SARDH: variants seen among roughly 807,000 people sequenced by gnomAD.
SARDH encodes sarcosine dehydrogenase.
SARDH carries 95 observed loss-of-function variants against 109.1 expected under a neutral mutation model. The ratio of observed to expected loss-of-function variants is 0.87; its 90% CI spans 0.74 to 1.03. The LOEUF (loss-of-function observed/expected upper bound fraction) is 1.03. Among genes scored for constraint, SARDH ranks in the 50% least tolerant of loss-of-function variants. The pLI is 0.00. For missense variants in SARDH, 1,267 were observed against 1,287.8 expected, an observed-to-expected ratio of 0.98 and a Z score of 0.25; for synonymous variants, 572 against 534.8, an observed-to-expected ratio of 1.07 and a Z score of -0.96.
intron 4 of SARDH, 71 bp from the exon 5 acceptor site, chr9:133,730,258 C>G: frequency 6.3e-7 from 1 of 1,580,478 alleles, no homozygotes; most frequent in Non-Finnish European, 8.6e-7. Context: ...CCACTCCAAC[C>G]AACCCCTCCT....
chr9:133,712,900 G>T lies in SARDH; in HGVS notation c.1237+138C>A, dbSNP rs1831979314. On this transcript the variant is annotated intron_variant, in intron 9 of 20. Coordinates refer to ENST00000439388, the MANE Select transcript of SARDH (RefSeq NM_001134707.2). This position sits in a 1 kb window ranked among gnomAD's most constrained non-coding sequence, Gnocchi z 4.1. The stretch of plus-strand genomic sequence containing the variant: ...GCACAGGTGCACTCTCTGGGAAGCA[G>T]AAGGGGCTGGACTCCCCAGCCTCTC... 1 of 1,001,732 alleles carries T rather than the reference G, an allele frequency of 1.0e-6. No homozygotes were observed. Among genetic ancestry groups the T allele is most frequent in the Non-Finnish European group, 1.5e-6 (1 of 670,306 alleles). 62.1% of individuals were successfully genotyped at this position (1,001,732 alleles called of 1,614,324 possible).
At chr9:133,715,569 C>T (rs1191184418) in intron 8 of SARDH, among the ~76,000 whole-genome samples, 10 of 152,170 alleles carry the variant, frequency 6.6e-5, no homozygotes, top group East Asian at 1.9e-4. Flanking sequence ...CCCCTGCTGA[C>T]GGCTGAGCAG....
downstream of SARDH, among the ~76,000 whole-genome samples, chr9:133,662,730 G>C (rs894940699): frequency 1.3e-5 from 2 of 152,202 alleles, no homozygotes; most frequent in Admixed American, 1.3e-4. The surrounding 1 kb of genome is among the most constrained non-coding windows in gnomAD (Gnocchi z 5.1). Flanking sequence ...CTGTGTGTGT[G>C]GCTCTGTGGG....
intron 8 of SARDH, among the ~76,000 whole-genome samples, chr9:133,713,932 C>G (rs1157016806): frequency 6.6e-6 from 1 of 152,238 alleles, no homozygotes; most frequent in Non-Finnish European, 1.5e-5. Context: ...AGGACATGTC[C>G]CAGCCCTCGA....
At chr9:133,677,529 A>G (rs1830558998) in intron 17 of SARDH, among the ~76,000 whole-genome samples, 1 of 152,094 alleles carries the variant, frequency 6.6e-6, no homozygotes, top group African/African-American at 2.4e-5. Context: ...TTGGAATCAA[A>G]CCCATGAAGG....
chr9:133,670,570 A>T lies in SARDH; in HGVS notation c.2495+14T>A. ...AGTTGCTTCCGGGTGGGCGTGGAAC[A>T]GCGGGATACTCACTCCTCCATGGTG... On this transcript the variant is annotated intron_variant, in intron 19 of 20. Coordinates refer to ENST00000439388, the MANE Select transcript of SARDH (RefSeq NM_001134707.2). 3.8e-6 allele frequency: 6 copies of T among 1,565,012 alleles called. No homozygotes were observed. The highest frequency in any genetic ancestry group is 5.2e-6 in the Non-Finnish European group (6 of 1,154,992).
At chr9:133,662,545 C>T (rs1229644164), downstream of SARDH, among the ~76,000 whole-genome samples, 2 of 152,194 alleles carry the variant, frequency 1.3e-5, no homozygotes, top group East Asian at 1.9e-4. This position sits in a 1 kb window ranked among gnomAD's most constrained non-coding sequence, Gnocchi z 5.1. Context: ...CCCTGGTCTC[C>T]AGCCGCAGCC....
chr9:133,732,552 G>A lies in SARDH; in HGVS notation c.381C>T (p.Ala127=), dbSNP rs141604287. ...RPSDVEVELL[A]HTRRVVSREL... ...CCCGGCTCACCACCCGCCGAGTGTG[G>A]GCCAGAAGCTCCACCTCCACGTCAC... The change falls in exon 3 of 21, where the codon GCC becomes GCT. Residue 127 remains alanine, a synonymous_variant. Transcript: ENST00000439388. 1.6e-4 allele frequency: 260 copies of A among 1,613,392 alleles called. No individual in the cohort carries two copies. The highest frequency in any genetic ancestry group is 3.3e-4 in the Middle Eastern group (2 of 6,080).
In SARDH at chr9:133,692,589, C is replaced by T. The variant is rs1306616498; in HGVS notation, c.1921+1669G>A. Reference sequence around the variant, plus strand: ...GGCGGCTTCACATGGCCTTCCCTAACACCTCGCTCTTTCCCATCCCCTTGC... The same window carrying T: ...GGCGGCTTCACATGGCCTTCCCTAATACCTCGCTCTTTCCCATCCCCTTGC... On this transcript the variant is annotated intron_variant, in intron 15 of 20. Coordinates refer to ENST00000439388, the MANE Select transcript of SARDH (RefSeq NM_001134707.2). This position sits in a 1 kb window ranked among gnomAD's most constrained non-coding sequence, Gnocchi z 5.0. 6.6e-6 allele frequency among the ~76,000 whole-genome samples: 1 copy of T among 152,156 alleles called. No individual in the cohort carries two copies. Among genetic ancestry groups the T allele is most frequent in the Non-Finnish European group, 1.5e-5 (1 of 68,022 alleles).
rs1401243137 is a variant in SARDH at position 133,728,704 on chromosome 9, T to C, written c.915+1061A>G. On this transcript the variant is annotated intron_variant, in intron 6 of 20. Transcript: ENST00000439388. The surrounding 1 kb of genome is among the most constrained non-coding windows in gnomAD (Gnocchi z 5.0). ...AAGAACTAGGTGTCTGTCTGTGTTA[T>C]GGCCACAGCTTCTAGAATAGGGCCT... Among the ~76,000 whole-genome samples, 2 of 152,222 alleles carry C rather than the reference T, an allele frequency of 1.3e-5. No individual in the cohort carries two copies. The highest frequency in any genetic ancestry group is 2.4e-5 in the African/African-American group (1 of 41,462).
intron 13 of SARDH, among the ~76,000 whole-genome samples, chr9:133,699,145 G>A (rs1340690933): frequency 4.6e-5 from 7 of 152,152 alleles, no homozygotes; most frequent in African/African-American, 7.2e-5. Context: ...TCAGGAGTTC[G>A]AGACCAGCCT....
rs752285854 is a variant in SARDH at position 133,729,836 on chromosome 9, C to A, written c.844G>T (p.Ala282Ser). The A allele has an allele frequency of 5.6e-6, 9 of 1,612,196 alleles. No individual in the cohort carries two copies. Among genetic ancestry groups the A allele is most frequent in the Non-Finnish European group, 5.9e-6 (7 of 1,180,024 alleles). The change falls in exon 6 of 21, where the codon GCT (alanine) becomes TCT (serine). Residue 282 changes from alanine to serine, a missense_variant. Ala to Ser is a moderately conservative substitution (Grantham distance 99). Coordinates refer to ENST00000439388, the MANE Select transcript of SARDH (RefSeq NM_001134707.2). ...GVWASAVGRM[A>S]GVKVPLVAMH... ...GCCACCAGCGGGACCTTGACTCCAG[C>A]CATCCGGCCCACAGCACTTGCCCAC... is the stretch of plus-strand genomic sequence containing the variant.
At chr9:133,673,577 T>G (rs1830421984) in intron 17 of SARDH, among the ~76,000 whole-genome samples, 1 of 152,216 alleles carries the variant, frequency 6.6e-6, no homozygotes, top group South Asian at 2.1e-4. Context: ...TCTAAAAGCT[T>G]TGGAAATAGC....
intron 16 of SARDH, among the ~76,000 whole-genome samples, chr9:133,687,784 C>T (rs765327175): frequency 7.9e-5 from 12 of 152,168 alleles, no homozygotes; most frequent in Non-Finnish European, 1.3e-4. Flanking sequence ...GTGCTGAGCA[C>T]GTCCTGAATA....
At chr9:133,665,664 C>A (rs1282504464) in intron 20 of SARDH, among the ~76,000 whole-genome samples, 1 of 152,254 alleles carries the variant, frequency 6.6e-6, no homozygotes, top group Non-Finnish European at 1.5e-5. Context: ...GCTGCCACTT[C>A]CCCACAGCTC....
At chr9:133,661,852 G>A (rs941701475), downstream of SARDH, among the ~76,000 whole-genome samples, 5 of 152,160 alleles carry the variant, frequency 3.3e-5, no homozygotes, top group Admixed American at 2.6e-4. Flanking sequence ...GAGCGTCATG[G>A]TATCAATATT....
At chr9:133,701,476 G>A (rs116753788) in intron 13 of SARDH, among the ~76,000 whole-genome samples, 6 of 152,360 alleles carry the variant, frequency 3.9e-5, no homozygotes, top group African/African-American at 9.6e-5. Flanking sequence ...CTAGCAGGCC[G>A]GGGAAGCTGC....
chr9:133,726,955 C>G (rs1452775993), intron 6 of SARDH, among the ~76,000 whole-genome samples: 2 of 152,172 alleles, frequency 1.3e-5, no homozygotes, highest in African/African-American at 2.4e-5. Flanking sequence ...GGTTATGACC[C>G]ATTTTGCAGG....
intron 2 of SARDH, 116 bp downstream of exon 2, chr9:133,733,727 A>C: frequency 9.5e-7 from 1 of 1,053,558 alleles, no homozygotes; most frequent in Non-Finnish European, 1.3e-6. Context: ...ACCCTTCCCC[A>C]GGGTCTCTTC....
Sources: allele counts gnomAD v4.1 joint callset (sites outside exome capture counted in the v4.1 genomes callset), GRCh38; gene constraint gnomAD v4.1.1; non-coding constraint Gnocchi (gnomAD v3.1); transcripts MANE v1.5; gene names NCBI Gene and HGNC (gene_info 2026-07-23, HGNC 2026-07-21).